JMJD1C: variants seen among roughly 807,000 people sequenced by gnomAD.
JMJD1C encodes jumonji domain containing 1C, also known as jumonji domain-containing protein 1C.
JMJD1C carries 31 observed loss-of-function variants against 245.3 expected under a neutral mutation model. The observed-to-expected ratio is 0.13, with a 90% confidence interval of 0.09 to 0.17. The LOEUF is 0.17. Ranked by LOEUF, JMJD1C falls within the 10% of genes least tolerant of loss-of-function variation. The pLI is 1.00. For synonymous variants in JMJD1C, 1,057 were observed against 1,017.4 expected (o/e 1.04, Z -0.74); for missense variants, 2,691 against 3,000.2 (o/e 0.90, Z 2.41).
rs1253576648 is a variant in JMJD1C at position 63,186,418 on chromosome 10, T to C, written c.6571-35A>G. ...AGATAAATAAATAACAGTTAAAAGA[T>C]ATATAGACTTTCTTTTTTGTTTGTT... On this transcript the variant is annotated intron_variant, in intron 18 of 25. Transcript: ENST00000399262. 7 of 1,479,488 alleles carry C rather than the reference T, an allele frequency of 4.7e-6. No individual in the cohort carries two copies. In the East Asian group the frequency reaches 1.6e-4, roughly 35 times the overall value. The allele number at this position is 1,479,488 out of a possible 1,614,324, so 91.6% of individuals were successfully genotyped here.
chr10:63,327,646 T>C (rs1941668696), intron 2 of JMJD1C, among the ~76,000 whole-genome samples: 1 of 151,510 alleles, frequency 6.6e-6, no homozygotes. Context: ...TTTTTAAGGA[T>C]ACTGTATCAA....
rs1243211330 is a variant in JMJD1C at position 63,305,379 on chromosome 10, AAAAAC to A, written c.334-40620_334-40616del. 5.0e-5 allele frequency among the ~76,000 whole-genome samples: 4 copies of A among 80,140 alleles called. 1 individual carries two copies. The highest frequency in any genetic ancestry group is 6.2e-5 in the African/African-American group (2 of 32,098). The allele number at this position is 80,140 out of a possible 152,430, so 52.6% of individuals were successfully genotyped here. A position where few individuals can be genotyped will look rare whatever the true frequency, so the allele number is the denominator to read the frequency against. ...AAGACTCCACCTCAAAAAAAAAACA[AAAAAC>A]AAAAAAGGTTGCAGTGAGCTCTAAT... is the stretch of plus-strand genomic sequence containing the variant. On this transcript the variant is annotated intron_variant, in intron 2 of 25. Transcript: ENST00000399262.
intron 1 of JMJD1C, among the ~76,000 whole-genome samples, chr10:63,385,908 G>T (rs534007979): frequency 6.9e-6 from 1 of 145,878 alleles, no homozygotes; most frequent in Admixed American, 6.7e-5. Context: ...AGAAAAAAAT[G>T]AAGAAGAAAT....
In JMJD1C at chr10:63,492,682, T is replaced by TATAAA. The variant is rs572675308; in HGVS notation, n.113+29051_113+29055dup. ...AGAGTGAGGCTCTGTCTCAAAACAA[T>TATAAA]ATAAAATAAAATAAAATAAAAATAA... is the stretch of plus-strand genomic sequence containing the variant. On this transcript the variant is annotated intron_variant and non_coding_transcript_variant, in intron 1 of 3. Coordinates refer to the JMJD1C transcript ENST00000633035. Among the ~76,000 whole-genome samples the TATAAA allele has an allele frequency of 4.8e-3, 726 of 151,134 alleles. 2 individuals are homozygous for TATAAA. Among genetic ancestry groups the TATAAA allele is most frequent in the African/African-American group, 0.012 (494 of 41,140 alleles).
intron 2 of JMJD1C, among the ~76,000 whole-genome samples, chr10:63,291,343 G>A (rs370562460): frequency 5.2e-4 from 78 of 148,894 alleles, no homozygotes; most frequent in African/African-American, 1.9e-3. Flanking sequence ...AGGGCTGGGC[G>A]AGGTGGCTCA....
intron 1 of JMJD1C, among the ~76,000 whole-genome samples, chr10:63,460,353 C>T (rs1045402670): frequency 6.6e-6 from 1 of 151,262 alleles, no homozygotes; most frequent in African/African-American, 2.4e-5. Context: ...CTCATCTCTA[C>T]AAAAAAAAAT....
chr10:63,254,616 T>C (rs955269589), intron 3 of JMJD1C, among the ~76,000 whole-genome samples: 8 of 152,104 alleles, frequency 5.3e-5, no homozygotes, highest in East Asian at 1.9e-4. Context: ...TCTCAGCTCA[T>C]TGCAGCCTTG....
chr10:63,396,004 T>C (rs908462876), intron 1 of JMJD1C, among the ~76,000 whole-genome samples: 1 of 152,306 alleles, frequency 6.6e-6, no homozygotes, highest in African/African-American at 2.4e-5. Flanking sequence ...TATGTCTTAA[T>C]CGTCGAAATG....
intron 1 of JMJD1C, among the ~76,000 whole-genome samples, chr10:63,403,417 T>C (rs1013666709): frequency 6.6e-6 from 1 of 152,206 alleles, no homozygotes; most frequent in Non-Finnish European, 1.5e-5. Flanking sequence ...TAATACCATA[T>C]AAGAGCTTGT....
chr10:63,362,961 T>C (rs1466967732), intron 2 of JMJD1C, among the ~76,000 whole-genome samples: 1 of 152,118 alleles, frequency 6.6e-6, no homozygotes, highest in Non-Finnish European at 1.5e-5. Flanking sequence ...TTTATTATTG[T>C]TCTTTTCTCA....
At chr10:63,474,286 T>C (rs921873067) in intron 1 of JMJD1C, among the ~76,000 whole-genome samples, 7 of 152,046 alleles carry the variant, frequency 4.6e-5, no homozygotes, top group African/African-American at 7.2e-5. Context: ...GTCAACTGAT[T>C]GCTGAGTCTC....
At chr10:63,504,491 G>C (rs1589835903) in intron 1 of JMJD1C, among the ~76,000 whole-genome samples, 3 of 152,098 alleles carry the variant, frequency 2.0e-5, no homozygotes, top group Admixed American at 2.0e-4. Flanking sequence ...CGACCCTAAG[G>C]AAAAAGGAGG....
chr10:63,391,282 G>A (rs1356844166), intron 1 of JMJD1C, among the ~76,000 whole-genome samples: 10 of 152,046 alleles, frequency 6.6e-5, no homozygotes, highest in East Asian at 1.9e-4. Flanking sequence ...AGGCCGAGGC[G>A]GGTGGATCAT....
At chr10:63,226,732 A>G (rs1230101095) in intron 3 of JMJD1C, among the ~76,000 whole-genome samples, 3 of 149,032 alleles carry the variant, frequency 2.0e-5, no homozygotes, top group African/African-American at 7.5e-5. Flanking sequence ...AAAAAAAAAA[A>G]AAAGAGAGAG....
chr10:63,521,676 G>A (rs950749790), intron 1 of JMJD1C: 6 of 899,392 alleles, frequency 6.7e-6, no homozygotes, highest in East Asian at 3.6e-5. Context: ...GGGCCTGGGC[G>A]GGGACGGGGT....
At chr10:63,219,739 A>C in intron 4 of JMJD1C, 139 bp downstream of exon 4, 1 of 536,844 alleles carries the variant, frequency 1.9e-6, no homozygotes, top group Non-Finnish European at 3.4e-6. Context: ...TCACTCTGCT[A>C]TTATTTTCCT....
At chr10:63,264,874 T>C (rs1564705843) in intron 2 of JMJD1C, 110 bp from the exon 3 acceptor site, 1 of 544,778 alleles carries the variant, frequency 1.8e-6, no homozygotes, top group Non-Finnish European at 3.2e-6. Flanking sequence ...TACAGAGTCT[T>C]AGGGTACCTA....
chr10:63,468,096 C>T (rs140626693), upstream of JMJD1C, among the ~76,000 whole-genome samples: 5,436 of 152,224 alleles, frequency 0.036, 154 homozygotes, highest in Non-Finnish European at 0.049. Context: ...CTTTTCAGTC[C>T]TCTGAAAAGC....
intron 1 of JMJD1C, among the ~76,000 whole-genome samples, chr10:63,502,969 G>A (rs995052027): frequency 1.3e-5 from 2 of 152,110 alleles, no homozygotes; most frequent in Non-Finnish European, 2.9e-5. Context: ...TATGCCAAGT[G>A]CTTCAAATGA....
Sources: gnomAD v4.1 joint callset for allele counts (sites outside exome capture counted in the v4.1 genomes callset) on GRCh38, gnomAD v4.1.1 for gene constraint, MANE v1.5 for transcripts, NCBI Gene and HGNC (gene_info 2026-07-23, HGNC 2026-07-21) for gene names.